ATM: variants seen among roughly 807,000 people sequenced by gnomAD.
The protein encoded by ATM is ATM serine/threonine kinase.
ATM carries 308 observed loss-of-function variants against 387.0 expected under a neutral mutation model. That is an observed-to-expected ratio of 0.80 (90% CI 0.73 to 0.87). The LOEUF (loss-of-function observed/expected upper bound fraction) is 0.87, where lower values mean the gene tolerates loss of function less well. ATM is among the 40% of genes least tolerant of loss of function. The pLI, the probability that ATM is intolerant of heterozygous loss-of-function variation, is 0.00. For synonymous variants in ATM, 1,156 were observed against 1,187.3 expected, an observed-to-expected ratio of 0.97 and a Z score of 0.54; for missense variants, 3,312 against 3,560.9, an observed-to-expected ratio of 0.93 and a Z score of 1.78.
At chr11:108,245,336 G>T (rs963768060) in intron 7 of ATM, among the ~76,000 whole-genome samples, 13 of 152,184 alleles carry the variant, frequency 8.5e-5, no homozygotes, top group African/African-American at 2.9e-4. Context: ...GTCTGACACA[G>T]ACTGTAGGGC....
chr11:108,294,006 CTT>C (rs2082985469), intron 31 of ATM, among the ~76,000 whole-genome samples: 1 of 150,312 alleles, frequency 6.7e-6, no homozygotes. Flanking sequence ...TAATGTATCT[CTT>C]TGCATTGAAG....
chr11:108,299,442 C>T (rs1241133425), intron 33 of ATM: 5 of 353,386 alleles, frequency 1.4e-5, no homozygotes, highest in Non-Finnish European at 2.7e-5. Flanking sequence ...GGATTACGGG[C>T]CTGCGCCACC....
chr11:108,244,842 C>T lies in ATM; in HGVS notation c.717C>T (p.Phe239=), dbSNP rs779410490. The change falls in exon 7 of 63, where the codon TTC becomes TTT. Residue 239 remains phenylalanine (F), a synonymous_variant. Transcript: ENST00000675843. ...ATATCTTAGCAGCTCTTACTATCTT[C>T]CTCAAGACTTTGGCTGTCAACTTTC... ...LNHILAALTI[F]LKTLAVNFRI... is the part of the protein sequence containing the mutation. 4.3e-6 allele frequency: 7 copies of T among 1,613,744 alleles called. No individual in the cohort carries two copies. The highest frequency in any genetic ancestry group is 4.0e-5 in the African/African-American group (3 of 74,888).
intron 37 of ATM, among the ~76,000 whole-genome samples, chr11:108,306,229 A>G (rs905518374): frequency 3.9e-5 from 6 of 152,208 alleles, no homozygotes; most frequent in African/African-American, 1.2e-4. Context: ...ATAGACATAG[A>G]TGCCCATCCT....
chr11:108,258,815 A>G (rs1235620699), intron 15 of ATM, among the ~76,000 whole-genome samples, 171 bp from the exon 16 acceptor site: 1 of 152,226 alleles, frequency 6.6e-6, no homozygotes, highest in African/African-American at 2.4e-5. Context: ...AAAGATGTAC[A>G]GTATAGTTAT....
At chr11:108,362,981 A>G (rs2090963192) in intron 61 of ATM, among the ~76,000 whole-genome samples, 1 of 150,254 alleles carries the variant, frequency 6.7e-6, no homozygotes, top group Non-Finnish European at 1.5e-5. Flanking sequence ...AAACAACAAA[A>G]CAAACAAACA....
intron 37 of ATM, 69 bp from the exon 38 acceptor site, chr11:108,307,828 T>A (rs2135973230): frequency 7.2e-7 from 1 of 1,397,426 alleles, no homozygotes; most frequent in East Asian, 2.3e-5. Context: ...GACAGACACA[T>A]AAACAAGAAG....
chr11:108,341,346 T>C (rs1210580944), intron 56 of ATM, among the ~76,000 whole-genome samples: 1 of 152,118 alleles, frequency 6.6e-6, no homozygotes, highest in Non-Finnish European at 1.5e-5. Flanking sequence ...ATTACCCACT[T>C]TCTCTCTTTT....
At chr11:108,341,223 T>C (rs2087530036) in intron 56 of ATM, among the ~76,000 whole-genome samples, 1 of 152,090 alleles carries the variant, frequency 6.6e-6, no homozygotes, top group African/African-American at 2.4e-5. Context: ...CTCAGGGCTT[T>C]TCTGCTTCTG....
chr11:108,333,823 C>A (rs918711384), intron 53 of ATM, 63 bp from the exon 54 acceptor site: 5 of 1,304,664 alleles, frequency 3.8e-6, no homozygotes, highest in Non-Finnish European at 5.6e-6. Context: ...GCTGACTATT[C>A]CTGCTTGACC....
chr11:108,293,432 T>A lies in ATM; in HGVS notation c.4731T>A (p.Thr1577=), dbSNP rs145236132. ...TTGTTTTTAAGGATTTGCGTATTACTCAGCAAAAAATCAAATACAGTAGAG... is the reference window on the plus strand; with the variant it reads ...TTGTTTTTAAGGATTTGCGTATTACACAGCAAAAAATCAAATACAGTAGAG... ...DHVVFKDLRI[T]QQKIKYSRGP... Residue 1577 remains threonine (T), a synonymous_variant, in exon 31 of 63, where the codon ACT becomes ACA. Coordinates refer to ENST00000675843, the MANE Select transcript of ATM (RefSeq NM_000051.4). 6.2e-7 allele frequency: 1 copy of A among 1,612,920 alleles called. No individual in the cohort carries two copies. Among genetic ancestry groups the A allele is most frequent in the Non-Finnish European group, 8.5e-7 (1 of 1,179,206 alleles).
At chr11:108,292,932 C>A (rs1219200005) in intron 30 of ATM, 139 bp downstream of exon 30, 1 of 1,074,272 alleles carries the variant, frequency 9.3e-7, no homozygotes, top group Non-Finnish European at 1.4e-6. Flanking sequence ...GAAAAATATT[C>A]TTAATGAATT....
rs139045926 is a variant in ATM, at chr11:108,252,304, G to A, written c.1802+273G>A. Among the ~76,000 whole-genome samples the A allele has an allele frequency of 6.1e-3, 927 of 152,242 alleles. 8 individuals carry two copies. The highest frequency in any genetic ancestry group is 0.02 in the African/African-American group (817 of 41,548). On this transcript the variant is annotated intron_variant, in intron 11 of 62. Transcript: ENST00000675843. ...TTTGAGCATTTATGTGTTCCTTTCTGATTTTTTAAATAAGTAAGTCCATAT... is the reference window on the plus strand; with the variant it reads ...TTTGAGCATTTATGTGTTCCTTTCTAATTTTTTAAATAAGTAAGTCCATAT...
chr11:108,272,888 C>T (rs1285376876), intron 22 of ATM, 36 bp downstream of exon 22: 7 of 1,613,020 alleles, frequency 4.3e-6, no homozygotes, highest in Non-Finnish European at 5.1e-6. Context: ...ATTTGGAATG[C>T]TGCAGATGGC....
Position 108,256,198 on chromosome 11 carries a change from TTGTGGTTTA to T in ATM, c.2125-16_2125-8del. ...ATTTATGAAATATATATATTTTTATTTGTGGTTTACTTTAAGATTACAAATTCAGAAACT... is the reference window on the plus strand; with the variant it reads ...ATTTATGAAATATATATATTTTTATTCTTTAAGATTACAAATTCAGAAACT... On this transcript the variant is annotated splice_region_variant and splice_polypyrimidine_tract_variant and intron_variant, in intron 13 of 62. Transcript: ENST00000675843. 1 of 1,578,044 alleles carries T rather than the reference TTGTGGTTTA, an allele frequency of 6.3e-7. No homozygotes were observed. Among genetic ancestry groups the T allele is most frequent in the Non-Finnish European group, 8.6e-7 (1 of 1,156,136 alleles).
intron 48 of ATM, among the ~76,000 whole-genome samples, chr11:108,328,311 A>G (rs958995551): frequency 6.6e-6 from 1 of 152,134 alleles, no homozygotes; most frequent in East Asian, 1.9e-4. Context: ...CAGTGGCGCA[A>G]TCTCGGCTCA....
chr11:108,346,200 CAA>C (rs1333937655), intron 58 of ATM, among the ~76,000 whole-genome samples: 1 of 152,042 alleles, frequency 6.6e-6, no homozygotes, highest in Non-Finnish European at 1.5e-5. Context: ...TCTCTCCTCT[CAA>C]TATATTATTT....
At chr11:108,256,400 A>G in intron 14 of ATM, 60 bp downstream of exon 14, 2 of 1,536,442 alleles carry the variant, frequency 1.3e-6, no homozygotes, top group East Asian at 4.6e-5. Context: ...ATTCCTGTGA[A>G]AATTATTACA....
chr11:108,231,696 CAAAAAAAAAAAAAA>C, intron 4 of ATM: 2 of 74,938 alleles, frequency 2.7e-5, no homozygotes, highest in South Asian at 5.9e-4. Flanking sequence ...AACTCTGTCT[CAAAAAAAAAAAAAA>C]AAAAAAAAAG....
Sources: allele counts gnomAD v4.1 joint callset (sites outside exome capture counted in the v4.1 genomes callset), GRCh38; gene constraint gnomAD v4.1.1; transcripts MANE v1.5; gene names NCBI Gene and HGNC (gene_info 2026-07-23, HGNC 2026-07-21).